SESN1: variants seen among roughly 807,000 people sequenced by gnomAD.
The protein encoded by SESN1 is sestrin-1.
A neutral mutation model predicts 59.3 loss-of-function variants in SESN1; 30 were observed. That is an observed-to-expected ratio of 0.51 (90% CI 0.38 to 0.69). The LOEUF is 0.69. Ranked by LOEUF, SESN1 falls within the 30% of genes least tolerant of loss-of-function variation. The pLI is 0.00. For missense variants in SESN1, 566 were observed against 673.0 expected (o/e 0.84, Z 1.76); for synonymous variants, 197 against 219.9 (o/e 0.90, Z 0.92).
intron 1 of SESN1, among the ~76,000 whole-genome samples, chr6:109,055,676 A>AT (rs1002328096): frequency 3.3e-5 from 5 of 150,414 alleles, no homozygotes; most frequent in Admixed American, 6.6e-5. Flanking sequence ...AAAAAAAAAA[A>AT]AAAAAAGAAA....
At chr6:109,000,778 T>C in intron 3 of SESN1, 105 bp from the exon 4 acceptor site, 1 of 978,478 alleles carries the variant, frequency 1.0e-6, no homozygotes, top group South Asian at 3.9e-5. Flanking sequence ...TTAGTATGTT[T>C]TCAAATTTTC....
intron 1 of SESN1, 130 bp from the exon 2 acceptor site, chr6:109,002,473 G>A (rs956396871): frequency 7.7e-5 from 51 of 664,414 alleles, no homozygotes; most frequent in Non-Finnish European, 1.2e-4. Context: ...TTTCATGGCT[G>A]TATATACATA....
At chr6:109,067,150 G>GC (rs1341694927) in intron 1 of SESN1, among the ~76,000 whole-genome samples, 1 of 152,130 alleles carries the variant, frequency 6.6e-6, no homozygotes, top group Non-Finnish European at 1.5e-5. Flanking sequence ...CCATCCTCCA[G>GC]CCCTCACTGT....
At chr6:109,010,101 C>T (rs1467643215) in intron 1 of SESN1, among the ~76,000 whole-genome samples, 3 of 152,168 alleles carry the variant, frequency 2.0e-5, no homozygotes, top group Non-Finnish European at 4.4e-5. Context: ...CACTCCCCTA[C>T]ACAGATAATA....
chr6:109,034,490 T>G (rs1224275859), intron 1 of SESN1, among the ~76,000 whole-genome samples: 5 of 152,200 alleles, frequency 3.3e-5, no homozygotes, highest in Non-Finnish European at 7.3e-5. Flanking sequence ...TCAAGAAAAT[T>G]TACTGATCAG....
chr6:109,094,014 A>G lies in SESN1; in HGVS notation c.60T>C (p.Thr20=), dbSNP rs1243061738. The G allele has an allele frequency of 1.2e-6, 2 of 1,614,018 alleles. No homozygotes were observed. Among genetic ancestry groups the G allele is most frequent in the Admixed American group, 3.3e-5 (2 of 60,000 alleles). ...TAATGTTTTCCAATGCTGTCTCCCT[A>G]GTAGTTGAATCTCTGCTGCAGAGTC... The part of the protein sequence containing the change: ...WDGLCSRDST[T]RETALENIRQ... Residue 20 remains threonine (T), a synonymous_variant, in exon 1 of 10, where the codon ACT becomes ACC. Transcript: ENST00000436639.
At chr6:108,987,908 T>C in intron 9 of SESN1, among the ~76,000 whole-genome samples, 1 of 151,314 alleles carries the variant, frequency 6.6e-6, no homozygotes, top group African/African-American at 2.4e-5. Flanking sequence ...GTTCAAGCGA[T>C]TCTCATGCCT....
intron 1 of SESN1, among the ~76,000 whole-genome samples, chr6:109,080,139 A>T (rs1781096271): frequency 6.6e-6 from 1 of 152,156 alleles, no homozygotes; most frequent in Non-Finnish European, 1.5e-5. Context: ...GTACTTTTCC[A>T]CTAGAGTTAC....
At chr6:109,006,438 T>TCCC (rs1187429115) in intron 1 of SESN1, among the ~76,000 whole-genome samples, 3 of 143,286 alleles carry the variant, frequency 2.1e-5, no homozygotes, top group Non-Finnish European at 3.0e-5. Context: ...CCTAATGCTA[T>TCCC]CCCTCCCCCC....
At chr6:109,041,028 C>T (rs1378015060) in intron 1 of SESN1, among the ~76,000 whole-genome samples, 3 of 151,728 alleles carry the variant, frequency 2.0e-5, no homozygotes, top group Non-Finnish European at 2.9e-5. Context: ...AGGCCAGGCA[C>T]AGTGGCTCAT....
chr6:108,998,154 C>T (rs1190045268), intron 5 of SESN1, among the ~76,000 whole-genome samples: 1 of 152,204 alleles, frequency 6.6e-6, no homozygotes, highest in Non-Finnish European at 1.5e-5. Flanking sequence ...CACAAAAAGT[C>T]TCCACCACCA....
At chr6:109,079,505 A>T (rs537104464) in intron 1 of SESN1, among the ~76,000 whole-genome samples, 14 of 152,254 alleles carry the variant, frequency 9.2e-5, no homozygotes. Context: ...ACTCTTATAA[A>T]TTTGCAAATA....
intron 1 of SESN1, among the ~76,000 whole-genome samples, chr6:109,057,695 C>T (rs1281534349): frequency 1.3e-5 from 2 of 152,196 alleles, no homozygotes; most frequent in Non-Finnish European, 2.9e-5. Flanking sequence ...AAGGCAGTGG[C>T]AAGGATTATC....
intron 5 of SESN1, among the ~76,000 whole-genome samples, chr6:108,995,592 C>T (rs1779486737): frequency 1.3e-5 from 2 of 152,188 alleles, no homozygotes; most frequent in African/African-American, 4.8e-5. Context: ...CAAATCTATG[C>T]AATTTATACC....
At chr6:109,070,294 C>T (rs1007095472) in intron 1 of SESN1, among the ~76,000 whole-genome samples, 1 of 152,204 alleles carries the variant, frequency 6.6e-6, no homozygotes, top group African/African-American at 2.4e-5. Flanking sequence ...CCAGATTATG[C>T]TTCAGGTACT....
At chr6:109,063,258 G>A (rs1333959612) in intron 1 of SESN1, among the ~76,000 whole-genome samples, 1 of 150,354 alleles carries the variant, frequency 6.7e-6, no homozygotes, top group African/African-American at 2.5e-5. Context: ...ATAGGCTCAG[G>A]TATAACTGTT....
chr6:109,080,594 C>T (rs1781104990), intron 1 of SESN1, among the ~76,000 whole-genome samples: 1 of 152,042 alleles, frequency 6.6e-6, no homozygotes, highest in Non-Finnish European at 1.5e-5. Context: ...AATGTGGTTT[C>T]CCCTAGAAAA....
At chr6:109,058,646 A>G (rs1306856890) in intron 1 of SESN1, among the ~76,000 whole-genome samples, 1 of 152,202 alleles carries the variant, frequency 6.6e-6, no homozygotes, top group African/African-American at 2.4e-5. Flanking sequence ...GCACAGAAGT[A>G]AAAGTAATTC....
intron 1 of SESN1, among the ~76,000 whole-genome samples, chr6:109,045,880 T>C (rs988598104): frequency 1.3e-5 from 2 of 152,198 alleles, no homozygotes; most frequent in African/African-American, 4.8e-5. Context: ...TACATGTTTC[T>C]GAAATAAATA....
Sources: allele counts gnomAD v4.1 joint callset (sites outside exome capture counted in the v4.1 genomes callset), GRCh38; gene constraint gnomAD v4.1.1; transcripts MANE v1.5; gene names NCBI Gene and HGNC (gene_info 2026-07-23, HGNC 2026-07-21).